Variants in MAP3K3 observed in about 807,000 individuals in gnomAD.
MAP3K3 encodes the protein mitogen-activated protein kinase kinase kinase 3.
A neutral mutation model predicts 80.9 loss-of-function variants in MAP3K3; 12 were observed. The ratio of observed to expected loss-of-function variants is 0.15; its 90% CI spans 0.10 to 0.24. MAP3K3 has a LOEUF of 0.24. Among genes scored for constraint, MAP3K3 ranks in the 10% least tolerant of loss-of-function variants. The probability of loss-of-function intolerance (pLI) is 1.00; values close to 1 mark genes in which losing one functional copy is unlikely to be tolerated. For missense variants in MAP3K3, 596 were observed against 834.7 expected (o/e 0.71, Z 3.52); for synonymous variants, 272 against 307.1 (o/e 0.89, Z 1.19).
intron 6 of MAP3K3, among the ~76,000 whole-genome samples, chr17:63,669,099 A>G (rs1393111573): frequency 6.6e-6 from 1 of 152,192 alleles, no homozygotes; most frequent in Non-Finnish European, 1.5e-5. Context: ...TAGATGTGGC[A>G]AGAGAATGGG....
intron 5 of MAP3K3, among the ~76,000 whole-genome samples, chr17:63,660,137 C>T (rs2034857753): frequency 6.6e-6 from 1 of 152,174 alleles, no homozygotes. Context: ...CACTTTGTTT[C>T]TCCACTTTGA....
intron 1 of MAP3K3, among the ~76,000 whole-genome samples, chr17:63,626,087 A>G (rs903536294): frequency 6.6e-6 from 1 of 152,216 alleles, no homozygotes; most frequent in Non-Finnish European, 1.5e-5. Flanking sequence ...AAAACAAAAA[A>G]CAAACAAAAA....
At chr17:63,685,422 A>G (rs573291055) in intron 7 of MAP3K3, 95 bp from the exon 8 acceptor site, 30 of 924,856 alleles carry the variant, frequency 3.2e-5, no homozygotes, top group Non-Finnish European at 5.1e-5. Flanking sequence ...ATGTTTTGAC[A>G]AAAAGGCCCA....
chr17:63,694,272 G>A lies in MAP3K3; in HGVS notation c.*495G>A, dbSNP rs1161159457. 6.5e-6 allele frequency: 1 copy of A among 153,212 alleles called. No homozygotes were observed. Among genetic ancestry groups the A allele is most frequent in the African/African-American group, 2.4e-5 (1 of 41,484 alleles). The allele number at this position is 153,212 out of a possible 1,614,324, so 9.5% of individuals were successfully genotyped here. A position where few individuals can be genotyped will look rare whatever the true frequency, so the allele number is the denominator to read the frequency against. On this transcript the variant is annotated 3_prime_UTR_variant, in exon 16 of 16. Coordinates refer to ENST00000361733, the MANE Select transcript of MAP3K3 (RefSeq NM_002401.5). Reference sequence around the variant, plus strand: ...GGAAAGGCCAGCACTCGCTAGCAGTGGCAGGCAGAGGCCCAGGCTGCCGTC... The same window carrying A: ...GGAAAGGCCAGCACTCGCTAGCAGTAGCAGGCAGAGGCCCAGGCTGCCGTC...
intron 6 of MAP3K3, among the ~76,000 whole-genome samples, chr17:63,680,203 A>G (rs537819722): frequency 2.0e-5 from 3 of 152,292 alleles, no homozygotes; most frequent in East Asian, 3.9e-4. Flanking sequence ...CCAGCAAGGA[A>G]AGTAACCTGC....
chr17:63,674,439 C>T (rs893085401), intron 6 of MAP3K3, among the ~76,000 whole-genome samples: 1 of 152,120 alleles, frequency 6.6e-6, no homozygotes, highest in Non-Finnish European at 1.5e-5. Flanking sequence ...CATCATGGCT[C>T]ACTGCAGCCT....
In MAP3K3 at chr17:63,677,841, G is replaced by T. The variant is rs555762978; in HGVS notation, c.503-3925G>T. On this transcript the variant is annotated intron_variant, in intron 6 of 15. Coordinates refer to ENST00000361733, the MANE Select transcript of MAP3K3 (RefSeq NM_002401.5). ...TATGAACACGCCACTGCACTCCAAA[G>T]AAAGAAAGATACATGGCACTGTGCT... Among the ~76,000 whole-genome samples, 6 of 151,948 alleles carry T rather than the reference G, an allele frequency of 3.9e-5. No individual in the cohort carries two copies. The South Asian group carries it at 1.2e-3, about 31-fold the overall frequency.
Position 63,670,806 on chromosome 17 carries a change from A to G in MAP3K3, c.502+3746A>G, listed in dbSNP as rs116236473. On this transcript the variant is annotated intron_variant, in intron 6 of 15. Transcript: ENST00000361733. ...GTGTGGTATGTCAGAAATGGAAAGAAGTCCAGATAGCTGGAGAGCTGGGAG... is the reference window on the plus strand; with the variant it reads ...GTGTGGTATGTCAGAAATGGAAAGAGGTCCAGATAGCTGGAGAGCTGGGAG... Among the ~76,000 whole-genome samples the G allele has an allele frequency of 4.0e-3, 605 of 152,116 alleles. 4 individuals are homozygous for G. Among genetic ancestry groups the G allele is most frequent in the African/African-American group, 0.014 (573 of 41,504 alleles).
chr17:63,662,090 G>A (rs962788060), intron 5 of MAP3K3, among the ~76,000 whole-genome samples: 3 of 148,632 alleles, frequency 2.0e-5, no homozygotes, highest in African/African-American at 5.0e-5. Context: ...GCCACAGAGC[G>A]AGACTCCATC....
chr17:63,633,417 C>A (rs2034258491), intron 2 of MAP3K3, among the ~76,000 whole-genome samples: 1 of 151,884 alleles, frequency 6.6e-6, no homozygotes. Flanking sequence ...AGCTACCTTA[C>A]AGTATATAGT....
At chr17:63,660,348 C>T (rs1345050217) in intron 5 of MAP3K3, among the ~76,000 whole-genome samples, 1 of 151,702 alleles carries the variant, frequency 6.6e-6, no homozygotes, top group African/African-American at 2.4e-5. Context: ...GGACTACAGG[C>T]GTGTGCCCCC....
intron 8 of MAP3K3, 84 bp from the exon 9 acceptor site, chr17:63,688,443 G>T (rs1262373807): frequency 1.9e-6 from 2 of 1,065,310 alleles, no homozygotes; most frequent in Non-Finnish European, 2.9e-6. Context: ...TGTGGCAGGG[G>T]TTAGAAAGGG....
At chr17:63,653,561 C>G (rs2034702217) in intron 4 of MAP3K3, among the ~76,000 whole-genome samples, 1 of 152,054 alleles carries the variant, frequency 6.6e-6, no homozygotes, top group South Asian at 2.1e-4. Context: ...AAATATAAAT[C>G]ATTGTTATTA....
chr17:63,637,374 C>A (rs1362593790), intron 2 of MAP3K3, among the ~76,000 whole-genome samples: 1 of 152,126 alleles, frequency 6.6e-6, no homozygotes, highest in Admixed American at 6.5e-5. Context: ...GGAAGTAAAT[C>A]CAAGCCTTCT....
intron 1 of MAP3K3, among the ~76,000 whole-genome samples, chr17:63,628,586 C>T (rs1320009038): frequency 1.3e-5 from 2 of 152,158 alleles, no homozygotes; most frequent in African/African-American, 4.8e-5. Context: ...TCTCGAACCC[C>T]TAACCTCAGG....
At chr17:63,652,312 G>A (rs2034672189) in intron 3 of MAP3K3, among the ~76,000 whole-genome samples, 1 of 152,096 alleles carries the variant, frequency 6.6e-6, no homozygotes, top group Non-Finnish European at 1.5e-5. Flanking sequence ...AAGCTGAAGT[G>A]GTAGATGAAT....
rs1358613936 is a variant in MAP3K3 at position 63,645,057 on chromosome 17, A to G, written c.127-977A>G. On this transcript the variant is annotated intron_variant, in intron 2 of 15. Transcript: ENST00000361733. Reference sequence around the variant, plus strand: ...TTAATTTGTTCTTTGTCATTTTAACATTTCTACTTCCTCTTATTTCTCATA... The same window carrying G: ...TTAATTTGTTCTTTGTCATTTTAACGTTTCTACTTCCTCTTATTTCTCATA... 2.6e-5 allele frequency among the ~76,000 whole-genome samples: 4 copies of G among 152,230 alleles called. No individual in the cohort carries two copies. In the East Asian group the frequency reaches 5.8e-4, roughly 22 times the overall value.
chr17:63,691,709 C>A lies in MAP3K3; in HGVS notation c.1345-24C>A, dbSNP rs1465340620. The A allele has an allele frequency of 4.3e-6, 7 of 1,609,918 alleles. No homozygotes were observed. Among genetic ancestry groups the A allele is most frequent in the African/African-American group, 2.7e-5 (2 of 75,008 alleles). ...CCACCAGCCCTCCCCTGAGGGGACT[C>A]CTCTGACTTCTTGTGGCCTCCAGGG... On this transcript the variant is annotated intron_variant, in intron 13 of 15. Coordinates refer to ENST00000361733, the MANE Select transcript of MAP3K3 (RefSeq NM_002401.5). This position sits in a 1 kb window ranked among gnomAD's most constrained non-coding sequence, Gnocchi z 4.8.
In MAP3K3 at chr17:63,652,649, A is replaced by G. The variant is rs1227087534; in HGVS notation, c.260A>G (p.Asn87Ser). Residue 87 changes from asparagine (N) to serine (S), a missense_variant, in exon 4 of 16, where the codon AAC (asparagine) becomes AGC (serine). Transcript: ENST00000361733. ...CAACCTCTTGATCTACATTACATGA[A>G]CAATGAGGTGAGAAGGCAGATGGAT... is the stretch of plus-strand genomic sequence containing the variant. The part of the protein sequence containing the change: ...FGQPLDLHYM[N>S]NELSILLKNQ... 6.2e-7 allele frequency: 1 copy of G among 1,610,592 alleles called. No homozygotes were observed. Among genetic ancestry groups the G allele is most frequent in the South Asian group, 1.1e-5 (1 of 91,022 alleles).
Sources: gnomAD v4.1 joint callset for allele counts (sites outside exome capture counted in the v4.1 genomes callset) on GRCh38, gnomAD v4.1.1 for gene constraint, Gnocchi (gnomAD v3.1) non-coding constraint, MANE v1.5 for transcripts, NCBI Gene and HGNC (gene_info 2026-07-23, HGNC 2026-07-21) for gene names.